The following SOCS7 variants were observed in gnomAD, a reference collection of about 807,000 sequenced individuals.
SOCS7 encodes the protein suppressor of cytokine signaling 7.
A neutral mutation model predicts 58.9 loss-of-function variants in SOCS7; 18 were observed. The ratio of observed to expected loss-of-function variants is 0.31; its 90% CI spans 0.21 to 0.45. SOCS7 has a LOEUF of 0.45. SOCS7 is among the 20% of genes least tolerant of loss of function. The pLI is 1.00. For synonymous variants in SOCS7, 388 were observed against 364.3 expected (o/e 1.06, Z -0.74); for missense variants, 667 against 837.3 (o/e 0.80, Z 2.51).
At chr17:38,364,717 G>T in intron 2 of SOCS7, 35 bp from the exon 3 acceptor site, 2 of 1,569,570 alleles carry the variant, frequency 1.3e-6, no homozygotes, top group Non-Finnish European at 1.8e-6. Flanking sequence ...TGGGCAAGGC[G>T]CTTCTGTAAC....
chr17:38,384,960 A>G (rs938240600), intron 7 of SOCS7, among the ~76,000 whole-genome samples: 8 of 136,970 alleles, frequency 5.8e-5, no homozygotes, highest in Non-Finnish European at 1.2e-4. Context: ...GCAGTGGCGC[A>G]ATCTCAGCTC....
chr17:38,356,680 AAAAGAAAG>A (rs59457183), intron 1 of SOCS7, among the ~76,000 whole-genome samples: 34 of 151,896 alleles, frequency 2.2e-4, no homozygotes, highest in African/African-American at 5.6e-4. Flanking sequence ...CATCTCTTTA[AAAAGAAAG>A]AAAGAAAGAA....
intron 1 of SOCS7, among the ~76,000 whole-genome samples, chr17:38,354,664 G>C (rs2037609751): frequency 6.6e-6 from 1 of 152,156 alleles, no homozygotes; most frequent in Non-Finnish European, 1.5e-5. Context: ...GGTAGGCTCT[G>C]TATTCGATGC....
rs140733557 is a variant in SOCS7 at position 38,364,844 on chromosome 17, C to G, written c.1138C>G (p.Leu380Val). The G allele has an allele frequency of 1.1e-5, 17 of 1,613,210 alleles. No individual in the cohort carries two copies. Among genetic ancestry groups the G allele is most frequent in the Non-Finnish European group, 1.4e-5 (17 of 1,179,212 alleles). Residue 380 changes from leucine (L) to valine (V), a missense_variant, in exon 3 of 10, where the codon CTC becomes GTC. Physicochemically the swap from Leu to Val is conservative, Grantham distance 32 (BLOSUM62 1). Around this residue, in one of 9 missense-constraint regions of SOCS7, gnomAD observed 99 missense variants for 122.9 expected, o/e 0.81. Transcript: ENST00000612932. ...TCCCCCTCCTCCTCCGAGAAGAAGC[C>G]TCAGCCTCCTAGGTATAGTTTCTTC... ...PTPPPPPRRSLSLLDDISGTL... is the reference protein window; with the variant it reads ...PTPPPPPRRSVSLLDDISGTL...
At chr17:38,355,052 A>G (rs1325147154) in intron 1 of SOCS7, among the ~76,000 whole-genome samples, 1 of 152,178 alleles carries the variant, frequency 6.6e-6, no homozygotes, top group Non-Finnish European at 1.5e-5. Flanking sequence ...GGAGAATTAC[A>G]TTTTTTGGTC....
At chr17:38,375,389 T>G (rs987933949) in intron 6 of SOCS7, among the ~76,000 whole-genome samples, 2 of 152,098 alleles carry the variant, frequency 1.3e-5, no homozygotes, top group African/African-American at 4.8e-5. Context: ...GATGAAAACC[T>G]TTATGAAGAT....
rs528398133 is a variant in SOCS7, at chr17:38,368,910, G to A, written c.1552+860G>A. ...TGTTGAGAGTTTGTGGGATCAACAT[G>A]CTTTAGACTATCTGCCATTCTCCTA... On this transcript the variant is annotated intron_variant, in intron 6 of 9. Transcript: ENST00000612932. 5.3e-5 allele frequency among the ~76,000 whole-genome samples: 8 copies of A among 152,274 alleles called. No individual in the cohort carries two copies. In the South Asian group the frequency reaches 1.7e-3, roughly 32 times the overall value.
chr17:38,365,938 A>G (rs1344574916), intron 4 of SOCS7: 4 of 1,049,936 alleles, frequency 3.8e-6, no homozygotes, highest in African/African-American at 1.7e-5. Context: ...GCGAGTCACT[A>G]TTTCCAAGGC....
In SOCS7 at chr17:38,366,314, G is replaced by A. The variant is rs1429014690; in HGVS notation, c.1280G>A (p.Arg427Gln). The A allele has an allele frequency of 6.8e-6, 11 of 1,613,968 alleles. No individual in the cohort carries two copies. The highest frequency in any genetic ancestry group is 3.3e-5 in the Admixed American group (2 of 59,994). ...PDAFPRIAPI[R>Q]AAESLHSQPP... ...GCATTTCCCCGGATTGCTCCCATCC[G>A]AGCAGCTGAATCCCTGCACAGCCAA... The change falls in exon 5 of 10, where the codon CGA becomes CAA. Residue 427 changes from arginine to glutamine, a missense_variant. By Grantham distance (43) the Arg-to-Gln change is conservative. Transcript: ENST00000612932.
intron 7 of SOCS7, among the ~76,000 whole-genome samples, chr17:38,393,426 C>T (rs1039791506): frequency 6.6e-6 from 1 of 152,048 alleles, no homozygotes; most frequent in Non-Finnish European, 1.5e-5. Flanking sequence ...CACCTGAGGT[C>T]AGGAGTTCGA....
Position 38,352,851 on chromosome 17 carries a change from G to T in SOCS7, c.799G>T (p.Gly267Cys), listed in dbSNP as rs868835034. The T allele has an allele frequency of 2.5e-6, 4 of 1,583,178 alleles. No homozygotes were observed. Among genetic ancestry groups the T allele is most frequent in the Admixed American group, 3.5e-5 (2 of 56,390 alleles). Residue 267 changes from glycine to cysteine, a missense_variant, in exon 1 of 10, where the codon GGT becomes TGT. Physicochemically the swap from Gly to Cys is radical, Grantham distance 159. Transcript: ENST00000612932. This position sits in a 1 kb window ranked among gnomAD's most constrained non-coding sequence, Gnocchi z 5.5. ...PPPGPLRPLA[G>C]PSRKGSFKIR... ...TCCCGGGCCCCTCCGGCCACTCGCG[G>T]GTCCTTCTCGGAAGGGCTCCTTCAA...
chr17:38,375,215 A>G (rs2037915761), intron 6 of SOCS7, among the ~76,000 whole-genome samples: 1 of 152,138 alleles, frequency 6.6e-6, no homozygotes, highest in South Asian at 2.1e-4. Flanking sequence ...AAAAGCAAAA[A>G]AAGTCAGACA....
At chr17:38,365,613 G>T (rs2037779168) in intron 4 of SOCS7, 1 of 430,250 alleles carries the variant, frequency 2.3e-6, no homozygotes, top group Non-Finnish European at 4.1e-6. Flanking sequence ...AGGTCAATCT[G>T]ATTTTTGTTA....
intron 7 of SOCS7, among the ~76,000 whole-genome samples, chr17:38,393,016 G>GT (rs112617828): frequency 0.044 from 6,407 of 146,958 alleles, 449 homozygotes; most frequent in African/African-American, 0.15. Flanking sequence ...TATTATTTTT[G>GT]TTTTTTTTTT....
At chr17:38,379,436 G>A (rs1010476548) in intron 7 of SOCS7, among the ~76,000 whole-genome samples, 14 of 151,970 alleles carry the variant, frequency 9.2e-5, no homozygotes, top group Admixed American at 3.9e-4. Flanking sequence ...CTGAGATTGC[G>A]CCATTGCACT....
At chr17:38,393,223 A>G (rs924316468) in intron 7 of SOCS7, among the ~76,000 whole-genome samples, 4 of 151,998 alleles carry the variant, frequency 2.6e-5, no homozygotes, top group Admixed American at 6.5e-5. Flanking sequence ...TAACAATAAA[A>G]TAATGTATTT....
Position 38,368,107 on chromosome 17 carries a change from G to A in SOCS7, c.1552+57G>A. The stretch of plus-strand genomic sequence containing the variant: ...CCCCTTGATTTGCTCTACCTTTGCT[G>A]TCTGACTTTTTTGTGGAAGAGATTC... On this transcript the variant is annotated intron_variant, in intron 6 of 9. Coordinates refer to ENST00000612932, the MANE Select transcript of SOCS7 (RefSeq NM_014598.4). 10 of 1,475,990 alleles carry A rather than the reference G, an allele frequency of 6.8e-6. No individual in the cohort carries two copies. In the South Asian group the frequency reaches 1.2e-4, roughly 18 times the overall value. The allele number at this position is 1,475,990 out of a possible 1,614,324, so 91.4% of individuals were successfully genotyped here. A position where few individuals can be genotyped will look rare whatever the true frequency, so the allele number is the denominator to read the frequency against.
intron 6 of SOCS7, among the ~76,000 whole-genome samples, chr17:38,376,901 T>C (rs2037938981): frequency 6.6e-6 from 1 of 152,246 alleles, no homozygotes; most frequent in African/African-American, 2.4e-5. Flanking sequence ...CTGTAGTTTT[T>C]CTATGTTTAA....
Position 38,352,944 on chromosome 17 carries a change from G to A in SOCS7, c.892G>A (p.Gly298Ser), listed in dbSNP as rs2037579218. Reference protein sequence around the residue: ...NGGSGGGDGTGKRPSGELAAS... With the variant: ...NGGSGGGDGTSKRPSGELAAS... ...TGGCTCCGGCGGTGGGGATGGGACC[G>A]GCAAGAGGCCTTCTGGAGAGCTGGC... The change falls in exon 1 of 10, where the codon GGC (glycine) becomes AGC (serine). Residue 298 changes from glycine to serine, a missense_variant. Around this residue, in one of 9 missense-constraint regions of SOCS7, gnomAD observed 208 missense variants for 190.3 expected, o/e 1.09. Coordinates refer to ENST00000612932, the MANE Select transcript of SOCS7 (RefSeq NM_014598.4). The surrounding 1 kb of genome is among the most constrained non-coding windows in gnomAD (Gnocchi z 5.5). The A allele has an allele frequency of 3.1e-6, 5 of 1,607,742 alleles. No homozygotes were observed. The highest frequency in any genetic ancestry group is 1.3e-5 in the African/African-American group (1 of 74,912).
Sources: allele counts gnomAD v4.1 joint callset (sites outside exome capture counted in the v4.1 genomes callset), GRCh38; gene constraint gnomAD v4.1.1; regional missense constraint gnomAD v4.1.1; non-coding constraint Gnocchi (gnomAD v3.1); transcripts MANE v1.5; gene names NCBI Gene and HGNC (gene_info 2026-07-23, HGNC 2026-07-21).